Variants in SNTG1 observed in about 807,000 individuals in gnomAD.
The protein encoded by SNTG1 is gamma-1-syntrophin.
A neutral mutation model predicts 74.7 loss-of-function variants in SNTG1; 39 were observed. The observed-to-expected ratio is 0.52, with a 90% CI of 0.40 to 0.68. The LOEUF (loss-of-function observed/expected upper bound fraction) is 0.68, where lower values mean the gene tolerates loss of function less well. Ranked by LOEUF, SNTG1 falls within the 30% of genes least tolerant of loss-of-function variation. The pLI is 0.00. For synonymous variants in SNTG1, 254 were observed against 217.1 expected, an observed-to-expected ratio of 1.17 and a Z score of -1.49; for missense variants, 685 against 609.5, an observed-to-expected ratio of 1.12 and a Z score of -1.30.
At chr8:50,527,488 AAGAATCAATTATGTGTG>A (rs2130271877) in intron 9 of SNTG1, among the ~76,000 whole-genome samples, 1 of 152,272 alleles carries the variant, frequency 6.6e-6, no homozygotes, top group Non-Finnish European at 1.5e-5. Context: ...CATCTTACAT[AAGAATCAATTATGTGTG>A]TGTGTATTTG....
intron 17 of SNTG1, among the ~76,000 whole-genome samples, chr8:50,709,610 G>A (rs1319476105): frequency 6.6e-6 from 1 of 152,028 alleles, no homozygotes; most frequent in Non-Finnish European, 1.5e-5. Flanking sequence ...TGATTATTAT[G>A]GAATGACAAA....
chr8:50,587,547 G>A (rs973414426), intron 12 of SNTG1, among the ~76,000 whole-genome samples: 9 of 152,132 alleles, frequency 5.9e-5, no homozygotes, highest in South Asian at 2.1e-4. Flanking sequence ...TGGCTTGGCC[G>A]GGCGCAGTGG....
chr8:50,581,762 T>C (rs2130822434), intron 12 of SNTG1, among the ~76,000 whole-genome samples: 1 of 152,286 alleles, frequency 6.6e-6, no homozygotes, highest in Non-Finnish European at 1.5e-5. Context: ...GAAACAAAGT[T>C]CTTTGGTTTC....
intron 1 of SNTG1, among the ~76,000 whole-genome samples, chr8:50,085,813 G>A (rs1822831042): frequency 6.6e-6 from 1 of 152,158 alleles, no homozygotes; most frequent in Non-Finnish European, 1.5e-5. Context: ...ATCCATGGCT[G>A]TACTTTAGGG....
At chr8:50,126,350 G>A (rs7815670) in intron 1 of SNTG1, among the ~76,000 whole-genome samples, 25 of 152,060 alleles carry the variant, frequency 1.6e-4, no homozygotes, top group African/African-American at 6.0e-4. Flanking sequence ...ATCCATAACT[G>A]ATACAGGAGA....
At chr8:50,430,850 T>G (rs2131522948) in intron 4 of SNTG1, among the ~76,000 whole-genome samples, 1 of 152,272 alleles carries the variant, frequency 6.6e-6, no homozygotes, top group East Asian at 1.9e-4. Context: ...CAAAATACAT[T>G]CATGGGACTG....
intron 18 of SNTG1, among the ~76,000 whole-genome samples, chr8:50,770,867 CTT>C (rs2095625356): frequency 6.6e-6 from 1 of 152,112 alleles, no homozygotes; most frequent in Non-Finnish European, 1.5e-5. Context: ...CATGTGGTCT[CTT>C]TGCATATTCC....
At chr8:49,964,636 C>A (rs1331566410) in intron 1 of SNTG1, among the ~76,000 whole-genome samples, 1 of 152,162 alleles carries the variant, frequency 6.6e-6, no homozygotes, top group African/African-American at 2.4e-5. Flanking sequence ...ATGTGGGAAA[C>A]CTCTGGAACA....
intron 1 of SNTG1, among the ~76,000 whole-genome samples, chr8:50,115,587 A>AAAAAAAAACAAAAAAAAAAC (rs397747843): frequency 2.7e-5 from 4 of 147,974 alleles, no homozygotes; most frequent in Admixed American, 1.4e-4. Context: ...AAAAAAAAAA[A>AAAAAAAAACAAAAAAAAAAC]CGAGATGGTT....
chr8:50,606,626 T>G (rs948681935), intron 13 of SNTG1, among the ~76,000 whole-genome samples: 1 of 40,868 alleles, frequency 2.4e-5, no homozygotes, highest in Non-Finnish European at 4.0e-5. Context: ...AGAATGTAAC[T>G]GATAAACACA....
At chr8:50,238,219 TCA>T (rs2086004028) in intron 2 of SNTG1, among the ~76,000 whole-genome samples, 4 of 152,098 alleles carry the variant, frequency 2.6e-5, no homozygotes, top group Admixed American at 2.6e-4. Flanking sequence ...ACTGGAGGGA[TCA>T]CACTACTTGA....
chr8:50,260,065 G>C (rs2087105334), intron 2 of SNTG1, among the ~76,000 whole-genome samples: 1 of 151,994 alleles, frequency 6.6e-6, no homozygotes, highest in Non-Finnish European at 1.5e-5. Flanking sequence ...TCTGGCAGAG[G>C]GAGAAAAAAG....
chr8:50,593,313 A>C (rs1181849089), intron 13 of SNTG1, among the ~76,000 whole-genome samples: 2 of 152,196 alleles, frequency 1.3e-5, no homozygotes, highest in African/African-American at 2.4e-5. Context: ...AGAATGCATA[A>C]GGCTTTCAGA....
intron 2 of SNTG1, among the ~76,000 whole-genome samples, chr8:50,377,575 G>T (rs140972722): frequency 1.3e-5 from 2 of 151,900 alleles, no homozygotes; most frequent in Non-Finnish European, 2.9e-5. Flanking sequence ...TGGTTGAAAA[G>T]ACTTTTTTTA....
intron 12 of SNTG1, among the ~76,000 whole-genome samples, chr8:50,571,489 G>A (rs1285543454): frequency 6.6e-6 from 1 of 152,222 alleles, no homozygotes; most frequent in Non-Finnish European, 1.5e-5. Flanking sequence ...AGGCCCCAGA[G>A]CCAAAGCACA....
intron 5 of SNTG1, among the ~76,000 whole-genome samples, chr8:50,445,847 CT>C (rs2093401962): frequency 6.6e-6 from 1 of 152,164 alleles, no homozygotes; most frequent in Non-Finnish European, 1.5e-5. Context: ...GGAAAGTAGA[CT>C]TTGATCAAAT....
chr8:50,546,826 G>A (rs2094391722), intron 11 of SNTG1, among the ~76,000 whole-genome samples: 1 of 152,100 alleles, frequency 6.6e-6, no homozygotes. Flanking sequence ...CTGCCACCCA[G>A]GCTGGAGTGC....
At chr8:50,718,553 G>A (rs1229360053) in intron 17 of SNTG1, among the ~76,000 whole-genome samples, 1 of 152,180 alleles carries the variant, frequency 6.6e-6, no homozygotes, top group Non-Finnish European at 1.5e-5. Flanking sequence ...CTAAGAATGA[G>A]GAGGTTAGCC....
intron 1 of SNTG1, among the ~76,000 whole-genome samples, chr8:50,127,303 T>TCC (rs1452365855): frequency 1.3e-5 from 2 of 152,110 alleles, no homozygotes; most frequent in African/African-American, 4.8e-5. Context: ...AACATTGCAT[T>TCC]AAAATACATC....
Sources: allele counts gnomAD v4.1 joint callset (sites outside exome capture counted in the v4.1 genomes callset), GRCh38; gene constraint gnomAD v4.1.1; transcripts MANE v1.5; gene names NCBI Gene and HGNC (gene_info 2026-07-23, HGNC 2026-07-21).